HS1BP3: variants seen among roughly 807,000 people sequenced by gnomAD.
HS1BP3 encodes the protein HCLS1-binding protein 3.
A neutral mutation model predicts 33.5 loss-of-function variants in HS1BP3; 32 were observed. That is an observed-to-expected ratio of 0.95 (90% CI 0.72 to 1.28). The LOEUF (loss-of-function observed/expected upper bound fraction) is 1.28. Among genes scored for constraint, HS1BP3 ranks in the 50% most tolerant of loss-of-function variants. The pLI, the probability that HS1BP3 is intolerant of heterozygous loss-of-function variation, is 0.00. For missense variants in HS1BP3, 486 were observed against 502.3 expected (o/e 0.97, Z 0.31); for synonymous variants, 187 against 209.2 (o/e 0.89, Z 0.92).
At chr2:20,572,322 C>A (rs1216181021) in intron 5 of HS1BP3, among the ~76,000 whole-genome samples, 4 of 152,210 alleles carry the variant, frequency 2.6e-5, no homozygotes, top group Non-Finnish European at 5.9e-5. Flanking sequence ...AGAACACTTC[C>A]TCCGTCCCTG....
At chr2:20,565,251 G>A (rs1693097885) in intron 5 of HS1BP3, among the ~76,000 whole-genome samples, 1 of 152,148 alleles carries the variant, frequency 6.6e-6, no homozygotes, top group African/African-American at 2.4e-5. Flanking sequence ...GCCATACCCA[G>A]GGTGCAATTG....
intron 2 of HS1BP3, 142 bp from the exon 3 acceptor site, chr2:20,641,322 C>A: frequency 1.5e-6 from 1 of 686,394 alleles, no homozygotes; most frequent in Non-Finnish European, 2.5e-6. Flanking sequence ...TGCCTGTCTC[C>A]CAGCCTCAGG....
chr2:20,610,610 G>T (rs1390217892), intron 2 of HS1BP3, among the ~76,000 whole-genome samples: 1 of 152,130 alleles, frequency 6.6e-6, no homozygotes, highest in Non-Finnish European at 1.5e-5. Context: ...ACTGCAGTCT[G>T]TTTACTCATT....
At chr2:20,613,637 T>G (rs1694357516), downstream of HS1BP3, among the ~76,000 whole-genome samples, 1 of 152,216 alleles carries the variant, frequency 6.6e-6, no homozygotes, top group Non-Finnish European at 1.5e-5. Context: ...ATAGAGAGAA[T>G]TTGACATGTC....
At position 20,585,423 on chromosome 2, in the gene HS1BP3, A is replaced by G. The variant is rs150846678; in HGVS notation, c.303-24908T>C. ...ATAACTATATATTTGCCTTAACTCT[A>G]CAAGCATAACTGAATCCCTACAATG... On this transcript the variant is annotated intron_variant, in intron 5 of 5. Coordinates refer to the HS1BP3 transcript ENST00000446825. Among the ~76,000 whole-genome samples, 518 of 152,316 alleles carry G rather than the reference A, an allele frequency of 3.4e-3. 1 individual carries two copies. Among genetic ancestry groups the G allele is most frequent in the Middle Eastern group, 0.014 (4 of 294 alleles).
chr2:20,626,203 C>A lies in HS1BP3; in HGVS notation c.624-1311G>T, dbSNP rs549446238. ...TGGGTGCTGGAGGGGCAGGTCCCCG[C>A]AAGGTGACCATTCCCACAGTCTGGA... On this transcript the variant is annotated intron_variant, in intron 4 of 6. Transcript: ENST00000304031. 7.2e-5 allele frequency among the ~76,000 whole-genome samples: 11 copies of A among 152,264 alleles called. No individual in the cohort carries two copies. The South Asian group carries it at 2.3e-3, about 32-fold the overall frequency.
At chr2:20,575,486 T>C (rs1033695262) in intron 5 of HS1BP3, among the ~76,000 whole-genome samples, 3 of 152,250 alleles carry the variant, frequency 2.0e-5, no homozygotes, top group African/African-American at 7.2e-5. Context: ...GGTCTCAACA[T>C]GCAGCCCAGT....
At chr2:20,569,836 C>G (rs543779151) in intron 5 of HS1BP3, among the ~76,000 whole-genome samples, 10 of 152,212 alleles carry the variant, frequency 6.6e-5, no homozygotes, top group African/African-American at 2.4e-4. Context: ...TGAACCTTGC[C>G]CTGCTTCCCA....
chr2:20,562,757 G>C (rs1572284561), intron 5 of HS1BP3, among the ~76,000 whole-genome samples: 1 of 152,228 alleles, frequency 6.6e-6, no homozygotes, highest in Non-Finnish European at 1.5e-5. Context: ...TTCAAAGCGA[G>C]GACAGACAGG....
At chr2:20,643,691 G>C (rs1695428602) in intron 2 of HS1BP3, among the ~76,000 whole-genome samples, 1 of 152,228 alleles carries the variant, frequency 6.6e-6, no homozygotes, top group South Asian at 2.1e-4. Context: ...GGAGGCTGAG[G>C]CAGGAGGATT....
chr2:20,623,984 C>A lies in HS1BP3; in HGVS notation c.832G>T (p.Gly278Cys). The change falls in exon 6 of 7, where the codon GGT (glycine) becomes TGT (cysteine). Residue 278 changes from glycine (G) to cysteine (C), a missense_variant. Coordinates refer to ENST00000304031, the MANE Select transcript of HS1BP3 (RefSeq NM_022460.4). ...GCGGCTGGCAGCAGGAGGGAGTCAC[C>A]CAGGGGGATGGCCCCGCCGAGGTCA... ...DPDLGGAIPL[G>C]DSLLLPAACE... 3 of 1,612,312 alleles carry A rather than the reference C, an allele frequency of 1.9e-6. No homozygotes were observed. The highest frequency in any genetic ancestry group is 2.5e-6 in the Non-Finnish European group (3 of 1,179,618).
chr2:20,585,976 G>A (rs1041940975), intron 5 of HS1BP3, among the ~76,000 whole-genome samples: 5 of 152,152 alleles, frequency 3.3e-5, no homozygotes, highest in Non-Finnish European at 4.4e-5. Flanking sequence ...GAGGAGGCAG[G>A]GCTGGGGCTA....
chr2:20,623,809 G>A, intron 6 of HS1BP3, 87 bp downstream of exon 6: 3 of 1,430,744 alleles, frequency 2.1e-6, no homozygotes, highest in Non-Finnish European at 2.8e-6. Flanking sequence ...GAGGAGGCTG[G>A]GGCTGAGACT....
At chr2:20,637,451 C>G (rs990114551) in intron 4 of HS1BP3, 1 of 152,280 alleles carries the variant, frequency 6.6e-6, no homozygotes, top group African/African-American at 2.4e-5. Context: ...CCAGGAGGAG[C>G]GACTGCAGGG....
At chr2:20,589,432 G>T (rs1693758860), downstream of HS1BP3, among the ~76,000 whole-genome samples, 1 of 152,148 alleles carries the variant, frequency 6.6e-6, no homozygotes, top group Admixed American at 6.5e-5. Context: ...CATGTTCCCT[G>T]TCACTGAGCT....
chr2:20,605,560 A>AC (rs1162345742), intron 2 of HS1BP3, among the ~76,000 whole-genome samples: 2 of 139,686 alleles, frequency 1.4e-5, no homozygotes, highest in Non-Finnish European at 3.1e-5. Context: ...ATATGTCATC[A>AC]CCCCCCAAAG....
chr2:20,597,720 T>C (rs934349257), intron 3 of HS1BP3, among the ~76,000 whole-genome samples: 1 of 152,184 alleles, frequency 6.6e-6, no homozygotes, highest in African/African-American at 2.4e-5. Context: ...CTGAATATGG[T>C]ATCTATGCAT....
chr2:20,603,410 C>T (rs932092959), intron 2 of HS1BP3, among the ~76,000 whole-genome samples: 1 of 152,162 alleles, frequency 6.6e-6, no homozygotes, highest in Admixed American at 6.5e-5. Context: ...AAGGAATGGC[C>T]CAGGTCTCCT....
chr2:20,574,891 G>A (rs189017189), intron 5 of HS1BP3, among the ~76,000 whole-genome samples: 2 of 152,330 alleles, frequency 1.3e-5, no homozygotes, highest in Admixed American at 6.5e-5. Context: ...TCTACTAACC[G>A]TGGAACTGTG....
Sources: gnomAD v4.1 joint callset for allele counts (sites outside exome capture counted in the v4.1 genomes callset) on GRCh38, gnomAD v4.1.1 for gene constraint, MANE v1.5 for transcripts, NCBI Gene and HGNC (gene_info 2026-07-23, HGNC 2026-07-21) for gene names.